FILIP1L: variants seen among roughly 807,000 people sequenced by gnomAD.
FILIP1L encodes the protein filamin A interacting protein 1 like.
In FILIP1L, 55 loss-of-function variants were observed where a neutral mutation model predicts 96.6. The observed-to-expected ratio is 0.57, with a 90% CI of 0.46 to 0.71. FILIP1L has a LOEUF of 0.71. Ranked by LOEUF, FILIP1L falls within the 30% of genes least tolerant of loss-of-function variation. The pLI is 0.00. For missense variants in FILIP1L, 1,304 were observed against 1,321.2 expected (o/e 0.99, Z 0.20); for synonymous variants, 467 against 473.9 (o/e 0.99, Z 0.19).
intron 1 of FILIP1L, among the ~76,000 whole-genome samples, chr3:99,933,300 G>A (rs923801027): frequency 3.9e-5 from 6 of 152,150 alleles, no homozygotes; most frequent in African/African-American, 1.4e-4. Context: ...GAACAATGAT[G>A]TGTGACAGTA....
intron 4 of FILIP1L, among the ~76,000 whole-genome samples, chr3:99,905,030 C>T (rs1225614337): frequency 6.6e-6 from 1 of 152,202 alleles, no homozygotes; most frequent in Non-Finnish European, 1.5e-5. Context: ...TGACTTCATC[C>T]TCTGCCACTG....
chr3:100,007,133 T>C (rs781073904), intron 1 of FILIP1L, among the ~76,000 whole-genome samples: 1 of 152,180 alleles, frequency 6.6e-6, no homozygotes, highest in African/African-American at 2.4e-5. Flanking sequence ...AGCCTATTGG[T>C]AAATGTTTGA....
At chr3:100,011,224 A>G (rs1710147256) in intron 1 of FILIP1L, among the ~76,000 whole-genome samples, 1 of 152,108 alleles carries the variant, frequency 6.6e-6, no homozygotes, top group South Asian at 2.1e-4. Context: ...TGTAAAAGTG[A>G]GGTAGGTTAT....
At chr3:99,880,281 C>T (rs1298903414) in intron 4 of FILIP1L, among the ~76,000 whole-genome samples, 2 of 152,160 alleles carry the variant, frequency 1.3e-5, no homozygotes, top group Admixed American at 6.5e-5. Flanking sequence ...TGGCTCTGTA[C>T]ATGTAGATAC....
chr3:100,012,758 A>G (rs1382893502), intron 1 of FILIP1L, among the ~76,000 whole-genome samples: 3 of 129,724 alleles, frequency 2.3e-5, no homozygotes, highest in African/African-American at 8.4e-5. Flanking sequence ...CAGGAAGCAT[A>G]TTCTTTTTTT....
intron 4 of FILIP1L, among the ~76,000 whole-genome samples, chr3:99,908,589 C>G (rs1706694616): frequency 6.6e-6 from 1 of 152,158 alleles, no homozygotes. Flanking sequence ...ATTCTCCTCT[C>G]CAGTTACTAG....
At chr3:100,085,935 A>G (rs1016096813) in intron 1 of FILIP1L, among the ~76,000 whole-genome samples, 3 of 152,264 alleles carry the variant, frequency 2.0e-5, no homozygotes, top group African/African-American at 7.2e-5. Context: ...ATTCTTCAGC[A>G]TAAAGGTCAC....
intron 4 of FILIP1L, among the ~76,000 whole-genome samples, chr3:99,873,795 G>C (rs1705364697): frequency 6.6e-6 from 1 of 152,122 alleles, no homozygotes; most frequent in Non-Finnish European, 1.5e-5. Flanking sequence ...CATACTGGCT[G>C]TTACTATAGT....
At chr3:99,887,955 A>G (rs1222317403) in intron 4 of FILIP1L, among the ~76,000 whole-genome samples, 1 of 151,878 alleles carries the variant, frequency 6.6e-6, no homozygotes, top group Non-Finnish European at 1.5e-5. Flanking sequence ...GCCCAGGCTC[A>G]TCTTGAACTC....
chr3:99,872,976 CT>C (rs1457256515), intron 4 of FILIP1L, among the ~76,000 whole-genome samples: 6 of 151,732 alleles, frequency 4.0e-5, no homozygotes, highest in Non-Finnish European at 8.8e-5. Flanking sequence ...TGGTGATAAT[CT>C]GCTAGGAATT....
chr3:99,958,208 T>C (rs1283249989), intron 1 of FILIP1L, among the ~76,000 whole-genome samples: 1 of 87,724 alleles, frequency 1.1e-5, no homozygotes, highest in African/African-American at 6.1e-5. Context: ...GCATGCATTA[T>C]TATTATTATT....
rs538647262 is a variant in FILIP1L at position 99,922,439 on chromosome 3, C to G, written c.605+1791G>C. 3.9e-5 allele frequency among the ~76,000 whole-genome samples: 6 copies of G among 152,126 alleles called. No individual in the cohort carries two copies. In the East Asian group the frequency reaches 5.8e-4, roughly 15 times the overall value. ...AGTTAGTAGGACCTTTCCCCTGCCC[C>G]CTCTCTGCCGTGTAGTGAAAAATAA... On this transcript the variant is annotated intron_variant, in intron 4 of 5. Coordinates refer to ENST00000477258, the MANE Select transcript of FILIP1L (RefSeq NM_001387850.1).
intron 1 of FILIP1L, among the ~76,000 whole-genome samples, chr3:100,075,064 T>C (rs1407742486): frequency 6.6e-6 from 1 of 152,174 alleles, no homozygotes; most frequent in African/African-American, 2.4e-5. Context: ...TGCTTATATT[T>C]TTTTAGGATA....
chr3:99,934,875 G>A (rs1249800065), intron 1 of FILIP1L, among the ~76,000 whole-genome samples: 1 of 152,178 alleles, frequency 6.6e-6, no homozygotes, highest in Non-Finnish European at 1.5e-5. Flanking sequence ...GAGTTTTACT[G>A]AGACCACCAA....
At chr3:99,923,193 C>T (rs536124211) in intron 4 of FILIP1L, among the ~76,000 whole-genome samples, 22 of 152,218 alleles carry the variant, frequency 1.4e-4, no homozygotes, top group African/African-American at 5.1e-4. Context: ...TCTCTTCTCA[C>T]CACACCAACA....
At chr3:99,976,082 G>A (rs919848832) in intron 1 of FILIP1L, among the ~76,000 whole-genome samples, 9 of 151,866 alleles carry the variant, frequency 5.9e-5, no homozygotes, top group South Asian at 2.1e-4. Context: ...ACGAGGTTTC[G>A]CCATGTTTTC....
intron 5 of FILIP1L, among the ~76,000 whole-genome samples, chr3:99,844,921 C>G (rs1024397422): frequency 6.6e-6 from 1 of 152,182 alleles, no homozygotes; most frequent in Non-Finnish European, 1.5e-5. Flanking sequence ...TGTAAGTTTC[C>G]TGAGGCCTCC....
intron 4 of FILIP1L, among the ~76,000 whole-genome samples, chr3:99,861,351 T>C (rs1559664171): frequency 5.3e-5 from 8 of 152,188 alleles, no homozygotes; most frequent in Admixed American, 4.6e-4. Flanking sequence ...TAGGGAGAAG[T>C]ATCCAAAAAG....
intron 1 of FILIP1L, among the ~76,000 whole-genome samples, chr3:99,955,417 A>G (rs562433592): frequency 6.6e-6 from 1 of 152,314 alleles, no homozygotes; most frequent in South Asian, 2.1e-4. Flanking sequence ...TTTTTAGCGA[A>G]GGCATTTAAG....
Sources: gnomAD v4.1 joint callset for allele counts (sites outside exome capture counted in the v4.1 genomes callset) on GRCh38, gnomAD v4.1.1 for gene constraint, MANE v1.5 for transcripts, NCBI Gene and HGNC (gene_info 2026-07-23, HGNC 2026-07-21) for gene names.